IL19: variants seen among roughly 807,000 people sequenced by gnomAD.
IL19 encodes interleukin-19.
A neutral mutation model predicts 19.5 loss-of-function variants in IL19; 15 were observed. The observed-to-expected ratio is 0.77, with a 90% CI of 0.52 to 1.19. The LOEUF is 1.19. Ranked by LOEUF, IL19 falls within the 50% of genes most tolerant of loss-of-function variation. IL19 has a pLI of 0.00. For missense variants in IL19, 199 were observed against 213.1 expected (o/e 0.93, Z 0.41); for synonymous variants, 78 against 78.3 (o/e 1.00, Z 0.02).
intron 2 of IL19, among the ~76,000 whole-genome samples, chr1:206,824,106 G>A (rs551949653): frequency 7.9e-5 from 12 of 152,312 alleles, no homozygotes; most frequent in East Asian, 1.9e-4. Context: ...TGATATCAGC[G>A]GATTATTTCT....
At chr1:206,780,847 C>T (rs140070289) in intron 1 of IL19, among the ~76,000 whole-genome samples, 5 of 152,238 alleles carry the variant, frequency 3.3e-5, no homozygotes, top group East Asian at 1.9e-4. Context: ...AAGATGTGTT[C>T]GGTGTGTGAG....
intron 2 of IL19, among the ~76,000 whole-genome samples, chr1:206,814,219 C>G (rs540478304): frequency 1.3e-5 from 2 of 151,932 alleles, no homozygotes; most frequent in Non-Finnish European, 2.9e-5. Flanking sequence ...GACTCCTATA[C>G]TAAGTGTAAG....
At chr1:206,825,633 T>C (rs563350562) in intron 2 of IL19, among the ~76,000 whole-genome samples, 65 of 152,348 alleles carry the variant, frequency 4.3e-4, no homozygotes, top group African/African-American at 1.5e-3. Context: ...CTGATTTTTC[T>C]CTGGAAGGGC....
chr1:206,827,558 T>C (rs1486013991), intron 2 of IL19, among the ~76,000 whole-genome samples: 3 of 151,714 alleles, frequency 2.0e-5, no homozygotes, highest in South Asian at 2.1e-4. Context: ...GGCGAGGTGG[T>C]GGGCGCCTGT....
chr1:206,797,415 C>T (rs1338325527), intron 1 of IL19, among the ~76,000 whole-genome samples: 1 of 152,038 alleles, frequency 6.6e-6, no homozygotes, highest in African/African-American at 2.4e-5. Flanking sequence ...TGCAGTCACC[C>T]ATTTACACAT....
At chr1:206,816,705 C>A (rs1452684304) in intron 2 of IL19, among the ~76,000 whole-genome samples, 2 of 152,094 alleles carry the variant, frequency 1.3e-5, no homozygotes, top group Non-Finnish European at 2.9e-5. Context: ...ACATTAAATA[C>A]AAATGGCCTA....
intron 1 of IL19, among the ~76,000 whole-genome samples, chr1:206,785,919 GA>G (rs1384780487): frequency 6.6e-6 from 1 of 151,698 alleles, no homozygotes; most frequent in East Asian, 1.9e-4. Context: ...TACAAAATTG[GA>G]AAGCTACCTG....
At chr1:206,808,311 CAG>C (rs1448315144) in intron 2 of IL19, among the ~76,000 whole-genome samples, 2 of 152,220 alleles carry the variant, frequency 1.3e-5, no homozygotes, top group South Asian at 2.1e-4. Flanking sequence ...GCCTGAGAAA[CAG>C]AGCGAGACTC....
chr1:206,834,477 G>C, intron 2 of IL19: 1 of 982,078 alleles, frequency 1.0e-6, no homozygotes, highest in Non-Finnish European at 1.2e-6. Flanking sequence ...GCCGCAGGGA[G>C]GTGACCTGTT....
intron 2 of IL19, among the ~76,000 whole-genome samples, chr1:206,820,590 C>T (rs151319019): frequency 1.1e-3 from 173 of 152,314 alleles, no homozygotes; most frequent in African/African-American, 4.0e-3. Flanking sequence ...TAATTTGTTG[C>T]TAAAAGCAAA....
intron 2 of IL19, among the ~76,000 whole-genome samples, chr1:206,827,189 G>GT (rs1466457298): frequency 6.6e-6 from 1 of 151,832 alleles, no homozygotes; most frequent in Non-Finnish European, 1.5e-5. Context: ...GAAAATAACA[G>GT]TAAAAAAAAG....
intron 2 of IL19, among the ~76,000 whole-genome samples, chr1:206,822,928 T>C (rs1292657981): frequency 6.6e-6 from 1 of 151,870 alleles, no homozygotes; most frequent in Non-Finnish European, 1.5e-5. Flanking sequence ...CCTTTCTTTT[T>C]CTTTCTTTTT....
chr1:206,827,552 A>T (rs1412156408), intron 2 of IL19, among the ~76,000 whole-genome samples: 2 of 151,938 alleles, frequency 1.3e-5, no homozygotes, highest in South Asian at 2.1e-4. Flanking sequence ...TAGCCAGGCG[A>T]GGTGGTGGGC....
intron 1 of IL19, chr1:206,772,380 C>G: frequency 6.2e-7 from 1 of 1,614,162 alleles, no homozygotes; most frequent in Non-Finnish European, 8.5e-7. Flanking sequence ...CTGGCCTGGG[C>G]TGGCCCTCAC....
intron 1 of IL19, among the ~76,000 whole-genome samples, chr1:206,785,376 C>T (rs1031821751): frequency 6.6e-6 from 1 of 152,284 alleles, no homozygotes. Context: ...AAATCCTTTA[C>T]GAAATCACCA....
chr1:206,841,137 C>A, intron 6 of IL19, 59 bp downstream of exon 6: 5 of 1,326,900 alleles, frequency 3.8e-6, no homozygotes, highest in South Asian at 1.2e-5. Flanking sequence ...AGGAGGGTGC[C>A]AGGCCTTCAG....
chr1:206,831,447 G>A (rs1304409973), intron 2 of IL19, among the ~76,000 whole-genome samples: 1 of 152,210 alleles, frequency 6.6e-6, no homozygotes, highest in African/African-American at 2.4e-5. Flanking sequence ...TCCTGGGAAA[G>A]ATGCCATTCT....
chr1:206,808,135 A>G (rs1260696486), intron 2 of IL19, among the ~76,000 whole-genome samples: 1 of 152,250 alleles, frequency 6.6e-6, no homozygotes, highest in African/African-American at 2.4e-5. Flanking sequence ...GTTCAAGACC[A>G]GCCTGGCCAA....
intron 2 of IL19, among the ~76,000 whole-genome samples, chr1:206,800,537 T>A (rs1227830414): frequency 6.6e-6 from 1 of 152,154 alleles, no homozygotes; most frequent in Non-Finnish European, 1.5e-5. Context: ...CAGTGACACA[T>A]GACTGAACTT....
Sources: allele counts gnomAD v4.1 joint callset (sites outside exome capture counted in the v4.1 genomes callset), GRCh38; gene constraint gnomAD v4.1.1; transcripts MANE v1.5; gene names NCBI Gene and HGNC (gene_info 2026-07-23, HGNC 2026-07-21).